Variants in DOCK4 observed in about 807,000 individuals in gnomAD.
The protein encoded by DOCK4 is dedicator of cytokinesis protein 4.
Under a neutral mutation model 268.1 loss-of-function variants are expected in DOCK4, and 97 were observed. The ratio of observed to expected loss-of-function variants is 0.36; its 90% confidence interval spans 0.31 to 0.43. The LOEUF is 0.43. Ranked by LOEUF, DOCK4 falls within the 20% of genes least tolerant of loss-of-function variation. DOCK4 has a pLI of 1.00. For synonymous variants in DOCK4, 954 were observed against 887.2 expected, an observed-to-expected ratio of 1.08 and a Z score of -1.34; for missense variants, 2,145 against 2,455.7, an observed-to-expected ratio of 0.87 and a Z score of 2.67.
intron 23 of DOCK4, among the ~76,000 whole-genome samples, chr7:111,850,963 T>C (rs1804497096): frequency 6.6e-6 from 1 of 152,202 alleles, no homozygotes; most frequent in Non-Finnish European, 1.5e-5. Flanking sequence ...TTAATTATTT[T>C]TTACTTTAAC....
In DOCK4 at chr7:111,989,011, T is replaced by C. The variant is rs1207873672; in HGVS notation, c.464+4A>G. The C allele has an allele frequency of 3.7e-6, 6 of 1,607,654 alleles. No homozygotes were observed. Among genetic ancestry groups the C allele is most frequent in the Non-Finnish European group, 5.1e-6 (6 of 1,176,684 alleles). On this transcript the variant is annotated splice_donor_region_variant and intron_variant, in intron 6 of 52. Transcript: ENST00000428084. ...GAGGCCGCCCTGTGATGCTCAATAC[T>C]CACTCATTGCCCCAGTCAAGCCGGG...
chr7:112,000,383 T>C (rs1800325454), intron 3 of DOCK4, 111 bp downstream of exon 3: 2 of 675,062 alleles, frequency 3.0e-6, no homozygotes, highest in South Asian at 2.3e-5. Flanking sequence ...GCAATATCAT[T>C]TGGCATTTCA....
intron 23 of DOCK4, among the ~76,000 whole-genome samples, chr7:111,858,537 A>G (rs1805207332): frequency 6.6e-6 from 1 of 150,636 alleles, no homozygotes; most frequent in African/African-American, 2.4e-5. Flanking sequence ...GTAATGGAGA[A>G]TATGCTCCCT....
intron 1 of DOCK4, among the ~76,000 whole-genome samples, chr7:112,163,366 C>T (rs192453505): frequency 6.6e-6 from 1 of 152,208 alleles, no homozygotes; most frequent in Admixed American, 6.5e-5. Flanking sequence ...TTGCCTGCAT[C>T]CTTTAATGAC....
intron 13 of DOCK4, among the ~76,000 whole-genome samples, chr7:111,904,177 CT>C (rs1423737822): frequency 1.3e-5 from 2 of 152,188 alleles, no homozygotes; most frequent in African/African-American, 4.8e-5. Context: ...GAGGGATGTA[CT>C]GCCAGCATCA....
chr7:112,147,554 C>T (rs1815628452), intron 1 of DOCK4, among the ~76,000 whole-genome samples: 1 of 152,082 alleles, frequency 6.6e-6, no homozygotes, highest in African/African-American at 2.4e-5. Flanking sequence ...TTGCCCAATA[C>T]CTCAAAATAC....
intron 1 of DOCK4, among the ~76,000 whole-genome samples, chr7:112,127,795 C>T (rs1045735423): frequency 1.3e-5 from 2 of 152,116 alleles, no homozygotes; most frequent in Non-Finnish European, 2.9e-5. Context: ...CTTTGGGAGG[C>T]CAAGGTGGGT....
intron 1 of DOCK4, among the ~76,000 whole-genome samples, chr7:112,059,932 T>C (rs906293509): frequency 6.6e-6 from 1 of 152,180 alleles, no homozygotes; most frequent in African/African-American, 2.4e-5. Context: ...CCAATAAAAA[T>C]ATTTTAAAGT....
intron 27 of DOCK4, among the ~76,000 whole-genome samples, 167 bp downstream of exon 27, chr7:111,822,195 T>C (rs905718137): frequency 4.6e-5 from 7 of 152,090 alleles, no homozygotes; most frequent in African/African-American, 1.7e-4. Flanking sequence ...GATGTTAATA[T>C]ATACAAAGGA....
chr7:112,066,043 C>T (rs925205852), intron 1 of DOCK4, among the ~76,000 whole-genome samples: 8 of 152,112 alleles, frequency 5.3e-5, no homozygotes, highest in African/African-American at 7.2e-5. Flanking sequence ...TAACTCTGGT[C>T]GTGATGGCTA....
At chr7:111,915,699 C>T in intron 13 of DOCK4, 80 bp downstream of exon 13, 4 of 1,502,974 alleles carry the variant, frequency 2.7e-6, no homozygotes, top group Non-Finnish European at 3.6e-6. Context: ...TCAAAGCTGG[C>T]AATTTGAAAA....
intron 30 of DOCK4, among the ~76,000 whole-genome samples, chr7:111,802,200 A>G (rs928712350): frequency 3.3e-5 from 5 of 152,176 alleles, no homozygotes; most frequent in Non-Finnish European, 7.3e-5. Flanking sequence ...CATTTTAAAA[A>G]GCCTAAACCC....
rs1326583564 is a variant in DOCK4 at position 112,042,607 on chromosome 7, C to T, written c.38-38476G>A. Among the ~76,000 whole-genome samples, 7 of 152,244 alleles carry T rather than the reference C, an allele frequency of 4.6e-5. No homozygotes were observed. In the South Asian group the frequency reaches 8.3e-4, roughly 18 times the overall value. On this transcript the variant is annotated intron_variant, in intron 1 of 52. Coordinates refer to ENST00000428084, the MANE Select transcript of DOCK4 (RefSeq NM_001363540.2). ...ATTTAGTTGATATGCATAATCGATA[C>T]AAAATTAAATCTTTGCTGTCCAACT...
At chr7:112,202,378 A>G (rs1821020088) in intron 1 of DOCK4, among the ~76,000 whole-genome samples, 1 of 152,218 alleles carries the variant, frequency 6.6e-6, no homozygotes, top group Non-Finnish European at 1.5e-5. Flanking sequence ...TTATACAGCC[A>G]TTCTAACAGA....
intron 44 of DOCK4, among the ~76,000 whole-genome samples, chr7:111,744,790 T>C (rs1441255977): frequency 6.6e-6 from 1 of 152,220 alleles, no homozygotes; most frequent in African/African-American, 2.4e-5. Context: ...CTTGACTTAT[T>C]CTTTATTTCC....
rs1324594897 is a variant in DOCK4, at chr7:111,847,113, A to G, written c.2487T>C (p.Ile829=). ...QLYTNPDSRY[I]LLPVVLHHLH... Reference sequence around the variant, plus strand: ...GGTGATGTAACACGACAGGCAGAAGAATGTATCGGGAATCTGAAGAGAGAA... The same window carrying G: ...GGTGATGTAACACGACAGGCAGAAGGATGTATCGGGAATCTGAAGAGAGAA... The change falls in exon 24 of 53, where the codon ATT becomes ATC. Residue 829 remains isoleucine (I), a synonymous_variant. Coordinates refer to ENST00000428084, the MANE Select transcript of DOCK4 (RefSeq NM_001363540.2). 1 of 1,613,772 alleles carries G rather than the reference A, an allele frequency of 6.2e-7. No homozygotes were observed. The highest frequency in any genetic ancestry group is 8.5e-7 in the Non-Finnish European group (1 of 1,179,734).
At chr7:111,983,323 A>G (rs1798749149) in intron 7 of DOCK4, among the ~76,000 whole-genome samples, 1 of 152,186 alleles carries the variant, frequency 6.6e-6, no homozygotes. Context: ...TCTCAGAAAA[A>G]TAAGCTTGAA....
intron 5 of DOCK4, among the ~76,000 whole-genome samples, chr7:111,991,021 T>A (rs1259240859): frequency 2.0e-5 from 3 of 152,094 alleles, no homozygotes; most frequent in African/African-American, 7.2e-5. Context: ...ATTAAACAAG[T>A]CAAATCTCAT....
chr7:112,145,244 A>G (rs1278038528), intron 1 of DOCK4, among the ~76,000 whole-genome samples: 1 of 152,180 alleles, frequency 6.6e-6, no homozygotes, highest in East Asian at 1.9e-4. Flanking sequence ...GATATTTTAT[A>G]GGCATAAGTG....
Sources: allele counts gnomAD v4.1 joint callset (sites outside exome capture counted in the v4.1 genomes callset), GRCh38; gene constraint gnomAD v4.1.1; transcripts MANE v1.5; gene names NCBI Gene and HGNC (gene_info 2026-07-23, HGNC 2026-07-21).